Variants in DPF3 observed in about 807,000 individuals in gnomAD.
DPF3 encodes zinc finger protein DPF3.
Under a neutral mutation model 56.8 loss-of-function variants are expected in DPF3, and 18 were observed. That is an observed-to-expected ratio of 0.32 (90% CI 0.22 to 0.47). DPF3 has a LOEUF of 0.47. Ranked by LOEUF, DPF3 falls within the 20% of genes least tolerant of loss-of-function variation. The pLI, the probability that DPF3 is intolerant of heterozygous loss-of-function variation, is 1.00. For synonymous variants in DPF3, 188 were observed against 180.2 expected, an observed-to-expected ratio of 1.04 and a Z score of -0.35; for missense variants, 403 against 488.8, an observed-to-expected ratio of 0.82 and a Z score of 1.65.
intron 8 of DPF3, among the ~76,000 whole-genome samples, chr14:72,631,889 C>T (rs1473436623): frequency 6.6e-6 from 1 of 152,186 alleles, no homozygotes; most frequent in Non-Finnish European, 1.5e-5. Flanking sequence ...GAAACCTTCC[C>T]TGAGAAAGAT....
chr14:72,633,682 A>G (rs1456386263), intron 8 of DPF3, among the ~76,000 whole-genome samples: 1 of 152,096 alleles, frequency 6.6e-6, no homozygotes, highest in Non-Finnish European at 1.5e-5. Context: ...ACTAATAATA[A>G]CACGCTTCAG....
intron 8 of DPF3, among the ~76,000 whole-genome samples, chr14:72,671,984 G>T (rs1886695253): frequency 6.6e-6 from 1 of 151,718 alleles, no homozygotes; most frequent in South Asian, 2.1e-4. Context: ...ACCACAGGAG[G>T]AAATTTCTGT....
intron 1 of DPF3, among the ~76,000 whole-genome samples, chr14:72,794,688 G>A (rs559518973): frequency 4.6e-5 from 7 of 152,318 alleles, no homozygotes; most frequent in African/African-American, 1.4e-4. Context: ...AGGGTGCTGT[G>A]TTGGTTTTCT....
At chr14:72,842,662 G>A (rs1259395092) in intron 1 of DPF3, among the ~76,000 whole-genome samples, 3 of 152,130 alleles carry the variant, frequency 2.0e-5, no homozygotes, top group Admixed American at 2.0e-4. Flanking sequence ...GAACATATGT[G>A]CACTTTTTGG....
chr14:72,639,457 T>C (rs779577703), intron 8 of DPF3, among the ~76,000 whole-genome samples: 5 of 152,326 alleles, frequency 3.3e-5, no homozygotes, highest in Non-Finnish European at 5.9e-5. Flanking sequence ...ATGTCACTTA[T>C]AATATTAGGT....
In DPF3 at chr14:72,609,428, T is replaced by A. The variant is rs951724155; in HGVS notation, c.*9869A>T. On this transcript the variant is annotated 3_prime_UTR_variant, in exon 11 of 11. Coordinates refer to ENST00000556509, the MANE Select transcript of DPF3 (RefSeq NM_001280542.3). ...CCAATCTGTAGGTTCTCCTGGAGAT[T>A]GTCACAATCTGCCAGCTCTCTGGGA... Among the ~76,000 whole-genome samples, 7 of 152,174 alleles carry A rather than the reference T, an allele frequency of 4.6e-5. No individual in the cohort carries two copies. Among genetic ancestry groups the A allele is most frequent in the Non-Finnish European group, 1.0e-4 (7 of 68,028 alleles).
At chr14:72,800,085 G>A (rs1340406514) in intron 1 of DPF3, among the ~76,000 whole-genome samples, 9 of 152,124 alleles carry the variant, frequency 5.9e-5, no homozygotes, top group Admixed American at 3.9e-4. Flanking sequence ...ACCATTTGAT[G>A]TTACCAACAG....
intron 1 of DPF3, among the ~76,000 whole-genome samples, chr14:72,859,001 ATATT>A (rs539181792): frequency 1.1e-3 from 161 of 152,344 alleles, no homozygotes; most frequent in African/African-American, 3.6e-3. Flanking sequence ...ATACACATAT[ATATT>A]TAAACAGTAA....
chr14:72,800,756 G>GCATGAGTGGATA, intron 1 of DPF3, among the ~76,000 whole-genome samples: 1 of 151,058 alleles, frequency 6.6e-6, no homozygotes, highest in South Asian at 2.1e-4. Flanking sequence ...ATGGATGGGT[G>GCATGAGTGGATA]CATGGGTGGA....
intron 8 of DPF3, chr14:72,670,461 G>C: frequency 1.0e-6 from 1 of 985,982 alleles, no homozygotes; most frequent in Non-Finnish European, 1.2e-6. Flanking sequence ...ACATTTTCTC[G>C]CAAGCAGAGA....
At chr14:72,740,298 T>C (rs930649404) in intron 3 of DPF3, among the ~76,000 whole-genome samples, 2 of 152,164 alleles carry the variant, frequency 1.3e-5, no homozygotes, top group Middle Eastern at 3.2e-3. Context: ...CAAAGCATGA[T>C]ATAATGATGC....
At position 72,614,340 on chromosome 14, in the gene DPF3, C is replaced by T. The variant is rs79386283; in HGVS notation, c.*4957G>A. ...CCCCACCATCACCATCCTTCCCCTT[C>T]ACCTGGTATCCAAAAGCATACTTTG... On this transcript the variant is annotated 3_prime_UTR_variant, in exon 11 of 11. Coordinates refer to ENST00000556509, the MANE Select transcript of DPF3 (RefSeq NM_001280542.3). 0.013 allele frequency among the ~76,000 whole-genome samples: 2,046 copies of T among 152,356 alleles called. 39 individuals are homozygous for T. Among genetic ancestry groups the T allele is most frequent in the African/African-American group, 0.047 (1,963 of 41,582 alleles).
At chr14:72,849,080 G>A (rs905601282) in intron 1 of DPF3, among the ~76,000 whole-genome samples, 15 of 152,170 alleles carry the variant, frequency 9.9e-5, no homozygotes, top group African/African-American at 2.4e-4. Context: ...TGCATGGCTC[G>A]TTAGTGACAA....
At chr14:72,665,160 C>T (rs1886392885) in intron 8 of DPF3, among the ~76,000 whole-genome samples, 2 of 152,098 alleles carry the variant, frequency 1.3e-5, no homozygotes, top group Admixed American at 1.3e-4. Flanking sequence ...AGATCCATGG[C>T]AAAAATAATC....
At chr14:72,728,590 G>T (rs1483008509) in intron 4 of DPF3, among the ~76,000 whole-genome samples, 1 of 152,142 alleles carries the variant, frequency 6.6e-6, no homozygotes, top group Non-Finnish European at 1.5e-5. Flanking sequence ...CAAAAGGACA[G>T]CTAGCAAAGT....
intron 4 of DPF3, among the ~76,000 whole-genome samples, chr14:72,730,032 C>T (rs1889575230): frequency 6.6e-6 from 1 of 152,102 alleles, no homozygotes; most frequent in Non-Finnish European, 1.5e-5. Flanking sequence ...CAGGAAATCT[C>T]TGTACCATCC....
chr14:72,798,657 G>A (rs1343363859), intron 1 of DPF3, among the ~76,000 whole-genome samples: 4 of 152,210 alleles, frequency 2.6e-5, no homozygotes, highest in African/African-American at 9.7e-5. Flanking sequence ...TAAGGATGCA[G>A]CCAGATCCCT....
At chr14:72,892,171 T>C (rs1044700344) in intron 1 of DPF3, 29 of 1,535,396 alleles carry the variant, frequency 1.9e-5, no homozygotes, top group Admixed American at 3.9e-5. Flanking sequence ...AAATAGGTTC[T>C]CTAACTTGAG....
At chr14:72,888,417 A>C (rs906263871) in intron 1 of DPF3, among the ~76,000 whole-genome samples, 3 of 152,226 alleles carry the variant, frequency 2.0e-5, no homozygotes, top group Non-Finnish European at 4.4e-5. Context: ...ATATGGTTTG[A>C]CAGACTGTGA....
Sources: gnomAD v4.1 joint callset for allele counts (sites outside exome capture counted in the v4.1 genomes callset) on GRCh38, gnomAD v4.1.1 for gene constraint, MANE v1.5 for transcripts, NCBI Gene and HGNC (gene_info 2026-07-23, HGNC 2026-07-21) for gene names.